The following ABTB3 variants were observed in gnomAD, a reference collection of about 807,000 sequenced individuals.
ABTB3 encodes ankyrin repeat- and BTB/POZ domain-containing protein 3.
At chr12:107,513,037 A>G in the ABTB3 span, among the ~76,000 whole-genome samples, 1 of 152,352 alleles carries the variant, frequency 6.6e-6, no homozygotes, top group Non-Finnish European at 1.5e-5. Context: ...CAGTTACCTT[A>G]TACTGTCTCC....
chr12:107,444,467 A>T, the ABTB3 span, among the ~76,000 whole-genome samples: 1 of 152,210 alleles, frequency 6.6e-6, no homozygotes, highest in Admixed American at 6.5e-5. Flanking sequence ...CATAGACTAG[A>T]TGCTGAAAAA....
chr12:107,485,609 C>A, the ABTB3 span, among the ~76,000 whole-genome samples: 1 of 152,116 alleles, frequency 6.6e-6, no homozygotes, highest in African/African-American at 2.4e-5. Flanking sequence ...TAACCCCAAC[C>A]TTGTAAATAA....
chr12:107,551,890 T>C, the ABTB3 span, among the ~76,000 whole-genome samples: 1 of 152,098 alleles, frequency 6.6e-6, no homozygotes, highest in Non-Finnish European at 1.5e-5. Context: ...GTAGCTGGGA[T>C]TACAGGCATG....
chr12:107,325,369 T>C, the ABTB3 span, among the ~76,000 whole-genome samples: 2 of 152,226 alleles, frequency 1.3e-5, no homozygotes, highest in African/African-American at 4.8e-5. Context: ...ACCCATCTTC[T>C]TAAGAGGAAC....
At chr12:107,332,474 G>T in the ABTB3 span, among the ~76,000 whole-genome samples, 9 of 152,150 alleles carry the variant, frequency 5.9e-5, no homozygotes, top group African/African-American at 2.2e-4. Context: ...GTAAGATGCA[G>T]AGTGGGGACT....
the ABTB3 span, among the ~76,000 whole-genome samples, chr12:107,432,542 T>C: frequency 0.013 from 1,950 of 152,282 alleles, 47 homozygotes; most frequent in African/African-American, 0.044. Flanking sequence ...CATTTTTTCA[T>C]TTGACAAATA....
chr12:107,422,519 T>C, the ABTB3 span, among the ~76,000 whole-genome samples: 2 of 152,178 alleles, frequency 1.3e-5, no homozygotes, highest in Admixed American at 6.5e-5. Context: ...TGTAGAAAGA[T>C]AAGAGGGAAA....
At chr12:107,360,377 C>T in the ABTB3 span, among the ~76,000 whole-genome samples, 1 of 152,108 alleles carries the variant, frequency 6.6e-6, no homozygotes, top group Non-Finnish European at 1.5e-5. Context: ...GGATTGGAGC[C>T]CAGCCAGTGG....
At chr12:107,565,900 CAA>C in the ABTB3 span, among the ~76,000 whole-genome samples, 2 of 152,224 alleles carry the variant, frequency 1.3e-5, no homozygotes, top group East Asian at 1.9e-4. Context: ...CTGACCTGTT[CAA>C]AGAGTCCTTC....
chr12:107,396,942 G>A, the ABTB3 span, among the ~76,000 whole-genome samples: 1 of 152,132 alleles, frequency 6.6e-6, no homozygotes. Context: ...GCAAACTATG[G>A]GTGATATTCT....
chr12:107,551,932 A>G, the ABTB3 span, among the ~76,000 whole-genome samples: 1 of 152,048 alleles, frequency 6.6e-6, no homozygotes, highest in Admixed American at 6.5e-5. Flanking sequence ...TTGTATTTTT[A>G]GTAGAGATGG....
chr12:107,477,855 G>T, the ABTB3 span, among the ~76,000 whole-genome samples: 1 of 152,134 alleles, frequency 6.6e-6, no homozygotes, highest in African/African-American at 2.4e-5. Context: ...CTATAAACAG[G>T]ACTCTGAGCT....
At chr12:107,509,241 G>C in the ABTB3 span, among the ~76,000 whole-genome samples, 1 of 152,162 alleles carries the variant, frequency 6.6e-6, no homozygotes, top group African/African-American at 2.4e-5. Flanking sequence ...GATGACAAAG[G>C]AGGTAACTAA....
the ABTB3 span, among the ~76,000 whole-genome samples, chr12:107,520,864 G>C: frequency 6.6e-6 from 1 of 152,202 alleles, no homozygotes; most frequent in Non-Finnish European, 1.5e-5. Flanking sequence ...TGCAGGTCAG[G>C]TTCCTAAGCT....
At chr12:107,601,328 T>A in the ABTB3 span, among the ~76,000 whole-genome samples, 9 of 152,240 alleles carry the variant, frequency 5.9e-5, no homozygotes, top group African/African-American at 1.9e-4. Flanking sequence ...CGCCTCAGTT[T>A]CCTTGCTGGT....
the ABTB3 span, among the ~76,000 whole-genome samples, chr12:107,608,922 TA>T: frequency 1.3e-4 from 11 of 85,608 alleles, no homozygotes; most frequent in East Asian, 4.1e-4. Flanking sequence ...TAAAATAAAA[TA>T]AAATAAAATA....
At chr12:107,340,646 G>A in the ABTB3 span, among the ~76,000 whole-genome samples, 2 of 151,800 alleles carry the variant, frequency 1.3e-5, no homozygotes, top group African/African-American at 4.8e-5. Context: ...GCTACATGAA[G>A]CATCGATGCA....
the ABTB3 span, among the ~76,000 whole-genome samples, chr12:107,472,242 C>T: frequency 6.6e-6 from 1 of 152,114 alleles, no homozygotes; most frequent in Non-Finnish European, 1.5e-5. Flanking sequence ...GCAGCTGGCA[C>T]GTATGTGTAC....
At chr12:107,414,695 TC>T in the ABTB3 span, among the ~76,000 whole-genome samples, 40 of 149,150 alleles carry the variant, frequency 2.7e-4, no homozygotes, top group African/African-American at 9.4e-4. Flanking sequence ...TTTTTCACCA[TC>T]CCCCCCTTTC....
Sources: gnomAD v4.1 joint callset for allele counts (sites outside exome capture counted in the v4.1 genomes callset) on GRCh38, gnomAD v4.1.1 for gene constraint, MANE v1.5 for transcripts, NCBI Gene and HGNC (gene_info 2026-07-23, HGNC 2026-07-21) for gene names.